PRKCA: variants seen among roughly 807,000 people sequenced by gnomAD.
PRKCA encodes the protein protein kinase C alpha, also known as protein kinase C alpha type.
PRKCA carries 27 observed loss-of-function variants against 87.0 expected under a neutral mutation model. That is an observed-to-expected ratio of 0.31 (90% CI 0.23 to 0.43). PRKCA has a LOEUF of 0.43. PRKCA is among the 20% of genes least tolerant of loss of function. The probability of loss-of-function intolerance (pLI) is 1.00; values close to 1 mark genes in which losing one functional copy is unlikely to be tolerated. For missense variants in PRKCA, 518 were observed against 852.3 expected, an observed-to-expected ratio of 0.61 and a Z score of 4.88; for synonymous variants, 329 against 311.1, an observed-to-expected ratio of 1.06 and a Z score of -0.61.
intron 8 of PRKCA, among the ~76,000 whole-genome samples, chr17:66,732,318 C>A (rs546220491): frequency 1.3e-5 from 2 of 152,288 alleles, no homozygotes; most frequent in East Asian, 3.9e-4. Context: ...CAAAAAGCAT[C>A]AGTACACAGT....
chr17:66,622,855 G>A (rs2143701537), intron 3 of PRKCA, among the ~76,000 whole-genome samples: 1 of 152,332 alleles, frequency 6.6e-6, no homozygotes, highest in Non-Finnish European at 1.5e-5. Flanking sequence ...GAACAGTACG[G>A]GGGAACCGCC....
intron 2 of PRKCA, among the ~76,000 whole-genome samples, chr17:66,453,311 T>C (rs1317309722): frequency 1.3e-5 from 2 of 151,160 alleles, no homozygotes; most frequent in East Asian, 1.9e-4. Context: ...CGTGATCCTT[T>C]TTTTCTTTTT....
chr17:66,735,641 G>T lies in PRKCA; in HGVS notation c.1209G>T (p.Leu403=). 1 of 1,614,136 alleles carries T rather than the reference G, an allele frequency of 6.2e-7. No individual in the cohort carries two copies. Among genetic ancestry groups the T allele is most frequent in the South Asian group, 1.1e-5 (1 of 91,076 alleles). The change falls in exon 10 of 17, where the codon CTG becomes CTT. Residue 403 remains leucine (L), a synonymous_variant. Transcript: ENST00000413366. ...ACAAACCCCCGTTCTTGACGCAGCT[G>T]CACTCCTGCTTCCAGACAGTGGTAA... ...LLDKPPFLTQ[L]HSCFQTVDRL...
At chr17:66,648,922 A>G (rs1046817138) in intron 5 of PRKCA, among the ~76,000 whole-genome samples, 3 of 151,890 alleles carry the variant, frequency 2.0e-5, no homozygotes, top group Non-Finnish European at 4.4e-5. Flanking sequence ...GTAAAACCCC[A>G]TCTCTACTAA....
intron 2 of PRKCA, among the ~76,000 whole-genome samples, chr17:66,479,679 A>G (rs1025412136): frequency 6.6e-6 from 1 of 152,246 alleles, no homozygotes; most frequent in Non-Finnish European, 1.5e-5. Context: ...CAGCCATAAA[A>G]AGGAACGAGA....
chr17:66,795,910 T>C (rs1975654290), intron 16 of PRKCA, among the ~76,000 whole-genome samples: 1 of 152,206 alleles, frequency 6.6e-6, no homozygotes, highest in South Asian at 2.1e-4. Context: ...AATCCCCTCA[T>C]TTAATGTGTG....
chr17:66,438,111 C>CT (rs980394498), intron 2 of PRKCA, among the ~76,000 whole-genome samples: 2 of 152,098 alleles, frequency 1.3e-5, no homozygotes, highest in African/African-American at 4.8e-5. Context: ...AGCAGAAGAG[C>CT]TGAGGGGTCT....
chr17:66,575,776 G>C (rs1322044590), intron 3 of PRKCA, among the ~76,000 whole-genome samples: 1 of 151,722 alleles, frequency 6.6e-6, no homozygotes, highest in Non-Finnish European at 1.5e-5. Flanking sequence ...GAGTAAACCA[G>C]CATTCCATGT....
chr17:66,570,221 G>A (rs974523411), intron 3 of PRKCA, among the ~76,000 whole-genome samples: 2 of 152,166 alleles, frequency 1.3e-5, no homozygotes, highest in African/African-American at 4.8e-5. Context: ...ATCTTGCTGG[G>A]GAGAAGAGTG....
intron 3 of PRKCA, among the ~76,000 whole-genome samples, chr17:66,614,149 ACT>A (rs1203767349): frequency 6.6e-6 from 1 of 151,144 alleles, no homozygotes; most frequent in Non-Finnish European, 1.5e-5. Flanking sequence ...AAATAATATC[ACT>A]CTCTCCGATT....
chr17:66,332,647 ACC>A (rs1368286673), intron 2 of PRKCA, among the ~76,000 whole-genome samples: 1 of 151,528 alleles, frequency 6.6e-6, no homozygotes, highest in African/African-American at 2.4e-5. Context: ...GGTCCATTCT[ACC>A]ATTTTCTATG....
chr17:66,692,378 C>T (rs754580345), intron 8 of PRKCA, among the ~76,000 whole-genome samples: 1 of 152,180 alleles, frequency 6.6e-6, no homozygotes, highest in African/African-American at 2.4e-5. Flanking sequence ...GAGAATTTTA[C>T]GACAGCTGCC....
Position 66,478,039 on chromosome 17 carries a change from C to A in PRKCA, c.206-18162C>A, listed in dbSNP as rs1276686171. 3.3e-5 allele frequency among the ~76,000 whole-genome samples: 5 copies of A among 152,268 alleles called. No individual in the cohort carries two copies. The East Asian group carries it at 9.7e-4, about 29-fold the overall frequency. On this transcript the variant is annotated intron_variant, in intron 2 of 16. Coordinates refer to ENST00000413366, the MANE Select transcript of PRKCA (RefSeq NM_002737.3). ...TTTGCCAAGGTTAAGGACGTGCGCC[C>A]AGGAGACAGGTCTGTGCTTTTCGCC...
At chr17:66,791,664 A>G (rs976199870) in intron 16 of PRKCA, among the ~76,000 whole-genome samples, 3 of 152,222 alleles carry the variant, frequency 2.0e-5, no homozygotes, top group Admixed American at 1.3e-4. Context: ...CACCGCCTTC[A>G]GCGGTCTCTG....
chr17:66,444,177 T>A (rs1481090158), intron 2 of PRKCA, among the ~76,000 whole-genome samples: 3 of 152,180 alleles, frequency 2.0e-5, no homozygotes, highest in Non-Finnish European at 4.4e-5. Flanking sequence ...CCATCCAAGT[T>A]ATCAGGAATG....
chr17:66,775,755 C>G, intron 14 of PRKCA: 1 of 985,194 alleles, frequency 1.0e-6, no homozygotes, highest in Non-Finnish European at 1.2e-6. Flanking sequence ...ATTCACTCAC[C>G]ACGTATTTAT....
At chr17:66,609,387 C>G (rs757767156) in intron 3 of PRKCA, among the ~76,000 whole-genome samples, 2 of 152,110 alleles carry the variant, frequency 1.3e-5, no homozygotes, top group Admixed American at 1.3e-4. Context: ...AAGTGTAATG[C>G]GTGTCTATAT....
At chr17:66,472,256 C>G (rs188807799) in intron 2 of PRKCA, among the ~76,000 whole-genome samples, 19 of 152,248 alleles carry the variant, frequency 1.2e-4, no homozygotes, top group African/African-American at 4.3e-4. Context: ...TTTACTATAA[C>G]CAATGAGGCA....
At chr17:66,660,753 C>G (rs1013733125) in intron 5 of PRKCA, among the ~76,000 whole-genome samples, 2 of 151,608 alleles carry the variant, frequency 1.3e-5, no homozygotes, top group Non-Finnish European at 1.5e-5. Flanking sequence ...AATAACAATA[C>G]AAAAAATTAG....
Sources: allele counts gnomAD v4.1 joint callset (sites outside exome capture counted in the v4.1 genomes callset), GRCh38; gene constraint gnomAD v4.1.1; transcripts MANE v1.5; gene names NCBI Gene and HGNC (gene_info 2026-07-23, HGNC 2026-07-21).